PDSS2: variants seen among roughly 807,000 people sequenced by gnomAD.
PDSS2 encodes the protein all trans-polyprenyl-diphosphate synthase PDSS2.
PDSS2 carries 31 observed loss-of-function variants against 44.5 expected under a neutral mutation model. That is an observed-to-expected ratio of 0.70 (90% CI 0.52 to 0.94). The LOEUF (loss-of-function observed/expected upper bound fraction) is 0.94, where lower values mean the gene tolerates loss of function less well. Among genes scored for constraint, PDSS2 ranks in the 40% least tolerant of loss-of-function variants. The probability of loss-of-function intolerance (pLI) is 0.00; values close to 1 mark genes in which losing one functional copy is unlikely to be tolerated. For synonymous variants in PDSS2, 157 were observed against 180.3 expected (o/e 0.87, Z 1.03); for missense variants, 452 against 482.2 (o/e 0.94, Z 0.59).
At chr6:107,225,165 T>TATATATATATATATA (rs1562389540) in intron 4 of PDSS2, among the ~76,000 whole-genome samples, 1 of 39,752 alleles carries the variant, frequency 2.5e-5, no homozygotes, top group African/African-American at 1.3e-4. Context: ...ATATATATTT[T>TATATATATATATATA]TTTTTTTTTT....
intron 4 of PDSS2, among the ~76,000 whole-genome samples, chr6:107,238,330 C>T (rs1774299088): frequency 2.0e-5 from 3 of 152,086 alleles, no homozygotes; most frequent in Admixed American, 2.0e-4. Context: ...CCAAATCACC[C>T]CCAGGTTTGA....
chr6:107,237,621 C>A (rs1016916942), intron 4 of PDSS2, among the ~76,000 whole-genome samples: 6 of 151,008 alleles, frequency 4.0e-5, no homozygotes, highest in Non-Finnish European at 8.8e-5. Flanking sequence ...AACAAATGGG[C>A]CAGGCACAGT....
At chr6:107,355,518 C>T (rs1408154395) in intron 1 of PDSS2, among the ~76,000 whole-genome samples, 1 of 152,138 alleles carries the variant, frequency 6.6e-6, no homozygotes, top group African/African-American at 2.4e-5. Context: ...TACCATAATA[C>T]AATTTTTGAA....
chr6:107,362,278 C>T (rs1297564570), intron 1 of PDSS2, among the ~76,000 whole-genome samples: 2 of 152,084 alleles, frequency 1.3e-5, no homozygotes, highest in Non-Finnish European at 2.9e-5. Context: ...GAAATAAAAC[C>T]CAGAGCAGCC....
intron 7 of PDSS2, among the ~76,000 whole-genome samples, chr6:107,193,251 C>T (rs1403144283): frequency 6.6e-6 from 1 of 152,182 alleles, no homozygotes; most frequent in African/African-American, 2.4e-5. Flanking sequence ...CTGTACTGCT[C>T]TCTCCATCAG....
intron 7 of PDSS2, among the ~76,000 whole-genome samples, chr6:107,161,158 A>G: frequency 6.7e-6 from 1 of 148,700 alleles, no homozygotes; most frequent in Admixed American, 6.7e-5. Flanking sequence ...TACAGGCGTG[A>G]GCCACCACTC....
intron 1 of PDSS2, among the ~76,000 whole-genome samples, chr6:107,416,545 G>A (rs1055471279): frequency 1.3e-4 from 20 of 152,140 alleles, no homozygotes; most frequent in African/African-American, 4.8e-4. Flanking sequence ...TCAATTATTT[G>A]CATGAACACA....
intron 4 of PDSS2, among the ~76,000 whole-genome samples, chr6:107,242,923 G>C (rs2114793522): frequency 6.6e-6 from 1 of 152,302 alleles, no homozygotes; most frequent in South Asian, 2.1e-4. Flanking sequence ...GAGGTGGCAG[G>C]GAAAGAGGAC....
At chr6:107,208,721 C>T (rs1196194171) in intron 6 of PDSS2, among the ~76,000 whole-genome samples, 2 of 151,436 alleles carry the variant, frequency 1.3e-5, no homozygotes, top group African/African-American at 4.9e-5. Flanking sequence ...CCACCACGCC[C>T]AGCTAATTTT....
intron 1 of PDSS2, among the ~76,000 whole-genome samples, chr6:107,369,138 G>C (rs530679976): frequency 1.4e-3 from 212 of 152,334 alleles, no homozygotes; most frequent in African/African-American, 4.9e-3. Flanking sequence ...ACACAGAACA[G>C]GCCGGGCAAA....
intron 3 of PDSS2, among the ~76,000 whole-genome samples, chr6:107,250,705 G>C (rs1467363896): frequency 6.6e-6 from 1 of 152,114 alleles, no homozygotes; most frequent in East Asian, 1.9e-4. Context: ...GGATAGACAA[G>C]TTGTGCCTTT....
chr6:107,429,017 A>G (rs539797559), intron 1 of PDSS2, among the ~76,000 whole-genome samples: 1 of 152,298 alleles, frequency 6.6e-6, no homozygotes, highest in South Asian at 2.1e-4. Context: ...TGCAGCCACT[A>G]CCTGACACCA....
intron 1 of PDSS2, among the ~76,000 whole-genome samples, chr6:107,416,013 G>A (rs537772774): frequency 4.5e-4 from 68 of 152,186 alleles, no homozygotes; most frequent in Non-Finnish European, 9.1e-4. Flanking sequence ...GGATGTGATA[G>A]CTATTCCTGA....
chr6:107,234,557 C>T (rs1267091257), intron 4 of PDSS2, among the ~76,000 whole-genome samples: 1 of 151,644 alleles, frequency 6.6e-6, no homozygotes, highest in Non-Finnish European at 1.5e-5. Context: ...AAATATTTGC[C>T]TATCAGTCTA....
chr6:107,267,894 A>G (rs1446184866), intron 3 of PDSS2, among the ~76,000 whole-genome samples: 1 of 152,076 alleles, frequency 6.6e-6, no homozygotes, highest in African/African-American at 2.4e-5. Context: ...TGCCTGACCA[A>G]GATTCTCTAA....
intron 1 of PDSS2, among the ~76,000 whole-genome samples, chr6:107,454,021 A>T (rs922009241): frequency 1.3e-5 from 2 of 150,658 alleles, no homozygotes; most frequent in African/African-American, 4.9e-5. Context: ...CAACTCATCA[A>T]GGGACAGGGT....
chr6:107,241,344 CTTTTT>C (rs58623641), intron 4 of PDSS2, among the ~76,000 whole-genome samples: 3 of 77,976 alleles, frequency 3.8e-5, no homozygotes, highest in African/African-American at 1.1e-4. Flanking sequence ...TCTTCTTCTT[CTTTTT>C]TTTTTTTTTT....
rs1554256022 is a variant in PDSS2 at position 107,225,135 on chromosome 6, T to TTATATATATATATATATA, written c.703-12854_703-12853insTATATATATATATATATA. Among the ~76,000 whole-genome samples, 108 of 36,218 alleles carry TTATATATATATATATATA rather than the reference T, an allele frequency of 3.0e-3. 3 individuals are homozygous for TTATATATATATATATATA. Among genetic ancestry groups the TTATATATATATATATATA allele is most frequent in the Middle Eastern group, 8.5e-3 (1 of 118 alleles). 23.8% of individuals were successfully genotyped at this position (36,218 alleles called of 152,430 possible). A position where few individuals can be genotyped will look rare whatever the true frequency, so the allele number is the denominator to read the frequency against. Reference sequence around the variant, plus strand: ...GAAGGAAGCTTCACTATATATATATTTTTATATATATATATATATATATAT... The same window carrying TTATATATATATATATATA: ...GAAGGAAGCTTCACTATATATATATTTATATATATATATATATATTTATATATATATATATATATATAT... On this transcript the variant is annotated intron_variant, in intron 4 of 7. Coordinates refer to ENST00000369037, the MANE Select transcript of PDSS2 (RefSeq NM_020381.4).
chr6:107,362,550 A>C (rs1464059256), intron 1 of PDSS2, among the ~76,000 whole-genome samples: 2 of 152,218 alleles, frequency 1.3e-5, no homozygotes, highest in Admixed American at 6.5e-5. Context: ...AACTAACAAC[A>C]ACCAAGGTCA....
Sources: allele counts gnomAD v4.1 joint callset (sites outside exome capture counted in the v4.1 genomes callset), GRCh38; gene constraint gnomAD v4.1.1; transcripts MANE v1.5; gene names NCBI Gene and HGNC (gene_info 2026-07-23, HGNC 2026-07-21).